Variants in PRKAG2 observed in about 807,000 individuals in gnomAD.
PRKAG2 encodes the protein 5'-AMP-activated protein kinase subunit gamma-2.
A neutral mutation model predicts 69.6 loss-of-function variants in PRKAG2; 26 were observed. The ratio of observed to expected loss-of-function variants is 0.37; its 90% CI spans 0.27 to 0.52. PRKAG2 has a LOEUF of 0.52. PRKAG2 is among the 20% of genes least tolerant of loss of function. The probability of loss-of-function intolerance (pLI) is 0.90; values close to 1 mark genes in which losing one functional copy is unlikely to be tolerated. For missense variants in PRKAG2, 557 were observed against 740.0 expected (o/e 0.75, Z 2.87); for synonymous variants, 293 against 285.0 (o/e 1.03, Z -0.28).
chr7:151,595,822 T>C (rs984638924), intron 5 of PRKAG2, among the ~76,000 whole-genome samples: 2 of 152,114 alleles, frequency 1.3e-5, no homozygotes, highest in African/African-American at 4.8e-5. Context: ...TCAGGGTTAA[T>C]AAAACAAAGA....
At chr7:151,816,585 C>T (rs552111321) in intron 1 of PRKAG2, among the ~76,000 whole-genome samples, 40 of 152,280 alleles carry the variant, frequency 2.6e-4, no homozygotes, top group Admixed American at 2.0e-3. Context: ...CTGGGATGTG[C>T]GGGATTATTC....
intron 5 of PRKAG2, chr7:151,631,831 A>T (rs1431856888): frequency 4.0e-6 from 2 of 497,546 alleles, no homozygotes; most frequent in Non-Finnish European, 7.8e-6. Context: ...TGCCGGGCTC[A>T]GGGCTGCGCT....
intron 3 of PRKAG2, among the ~76,000 whole-genome samples, chr7:151,737,063 G>A (rs1484321646): frequency 1.3e-5 from 2 of 151,878 alleles, no homozygotes; most frequent in Admixed American, 6.6e-5. Context: ...GCAAAAGATA[G>A]AAAAAAAATC....
chr7:151,606,418 G>A (rs186606985), intron 5 of PRKAG2, among the ~76,000 whole-genome samples: 87 of 152,276 alleles, frequency 5.7e-4, no homozygotes, highest in African/African-American at 2.0e-3. Flanking sequence ...GTACTTGGAG[G>A]AAGAAATAAA....
intron 3 of PRKAG2, among the ~76,000 whole-genome samples, chr7:151,709,986 TTCAGGAGGAA>T (rs1443112842): frequency 3.3e-5 from 5 of 152,146 alleles, no homozygotes; most frequent in Non-Finnish European, 5.9e-5. Flanking sequence ...CCAGAGGGCT[TTCAGGAGGAA>T]AAGCATTTAC....
intron 5 of PRKAG2, among the ~76,000 whole-genome samples, chr7:151,600,060 C>A (rs1815676112): frequency 6.6e-6 from 1 of 152,158 alleles, no homozygotes; most frequent in South Asian, 2.1e-4. Flanking sequence ...AAGGATATGA[C>A]TGGTGAGTCA....
In PRKAG2 at chr7:151,568,849, G is replaced by T; in HGVS notation, c.1107-7C>A. On this transcript the variant is annotated splice_polypyrimidine_tract_variant and splice_region_variant and intron_variant, in intron 10 of 15. Transcript: ENST00000287878. ...GTATACAGCATCGAAGAGGCTGTGG[G>T]AGAAGTCATTAAAGTTGTTAGGAGG... 6.2e-7 allele frequency: 1 copy of T among 1,613,534 alleles called. No individual in the cohort carries two copies. The highest frequency in any genetic ancestry group is 8.5e-7 in the Non-Finnish European group (1 of 1,179,696).
rs577809086 is a variant in PRKAG2 at position 151,765,475 on chromosome 7, AT to A, written c.466+15676del. Among the ~76,000 whole-genome samples the A allele has an allele frequency of 2.8e-4, 43 of 152,312 alleles. No homozygotes were observed. The South Asian group carries it at 8.7e-3, about 31-fold the overall frequency. On this transcript the variant is annotated intron_variant, in intron 3 of 15. Coordinates refer to ENST00000287878, the MANE Select transcript of PRKAG2 (RefSeq NM_016203.4). ...TCGGGTGGTAACAAGAAGCCAAACC[AT>A]ATCACCATCTGAAACCTGGGGGAGC...
chr7:151,844,473 G>GGTGAGC (rs1394196829), intron 1 of PRKAG2, among the ~76,000 whole-genome samples: 1 of 152,168 alleles, frequency 6.6e-6, no homozygotes, highest in Non-Finnish European at 1.5e-5. Context: ...CTCCCACCTG[G>GGTGAGC]GTGAGCGTGT....
chr7:151,583,599 G>A lies in PRKAG2; in HGVS notation c.865-7147C>T, dbSNP rs1057142376. On this transcript the variant is annotated intron_variant, in intron 6 of 15. Coordinates refer to ENST00000287878, the MANE Select transcript of PRKAG2 (RefSeq NM_016203.4). This position sits in a 1 kb window ranked among gnomAD's most constrained non-coding sequence, Gnocchi z 4.1. ...TGGAAAATTCTCCATAATTATAGAC[G>A]GCACAGGGTGTTCCAATTAACCAAT... Among the ~76,000 whole-genome samples the A allele has an allele frequency of 2.6e-5, 4 of 152,052 alleles. No individual in the cohort carries two copies. Among genetic ancestry groups the A allele is most frequent in the South Asian group, 2.1e-4 (1 of 4,826 alleles).
rs397517272 is a variant in PRKAG2 at position 151,781,145 on chromosome 7, G to T, written c.466+7C>A. 1.9e-6 allele frequency: 3 copies of T among 1,613,736 alleles called. No homozygotes were observed. In the African/African-American group the frequency reaches 4.0e-5, roughly 22 times the overall value. On this transcript the variant is annotated splice_region_variant and intron_variant, in intron 3 of 15. Coordinates refer to ENST00000287878, the MANE Select transcript of PRKAG2 (RefSeq NM_016203.4). This position sits in a 1 kb window ranked among gnomAD's most constrained non-coding sequence, Gnocchi z 6.1. ...ACCCACCTGAAACAATAGCATCAAG[G>T]TCTTACTTTTTCTGGAGCGGGAGAA...
chr7:151,573,641 T>C (rs1427979475), intron 8 of PRKAG2, among the ~76,000 whole-genome samples: 3 of 152,324 alleles, frequency 2.0e-5, no homozygotes, highest in African/African-American at 7.2e-5. Context: ...CTGATTTTGC[T>C]AGTTCAAAAG....
chr7:151,824,320 C>T (rs981636913), intron 1 of PRKAG2, among the ~76,000 whole-genome samples: 1 of 152,206 alleles, frequency 6.6e-6, no homozygotes, highest in Non-Finnish European at 1.5e-5. Flanking sequence ...TCCTGTCATC[C>T]TGCCTGGTTC....
chr7:151,819,689 A>G (rs1226201593), intron 1 of PRKAG2, among the ~76,000 whole-genome samples: 2 of 152,204 alleles, frequency 1.3e-5, no homozygotes, highest in South Asian at 2.1e-4. Context: ...TCTATCTTTC[A>G]AGGCCATGTT....
intron 4 of PRKAG2, among the ~76,000 whole-genome samples, chr7:151,655,787 C>T (rs368161865): frequency 1.3e-5 from 2 of 152,146 alleles, no homozygotes; most frequent in African/African-American, 4.8e-5. Flanking sequence ...CCTCATAGAG[C>T]GGTAAGGAAT....
At chr7:151,670,020 A>ACACACACACCTG (rs1563386491) in intron 4 of PRKAG2, among the ~76,000 whole-genome samples, 1 of 133,258 alleles carries the variant, frequency 7.5e-6, no homozygotes, top group African/African-American at 3.1e-5. Flanking sequence ...ACACACCTGC[A>ACACACACACCTG]TGCACACACA....
chr7:151,804,823 C>A (rs950584683), intron 1 of PRKAG2, among the ~76,000 whole-genome samples: 1 of 152,208 alleles, frequency 6.6e-6, no homozygotes, highest in East Asian at 1.9e-4. Flanking sequence ...GTCATAAAAT[C>A]CACTCAGGAC....
At chr7:151,560,777 G>A (rs1234072623) in intron 14 of PRKAG2, among the ~76,000 whole-genome samples, 160 bp from the exon 15 acceptor site, 1 of 152,168 alleles carries the variant, frequency 6.6e-6, no homozygotes, top group East Asian at 1.9e-4. Context: ...TTAGACAGTG[G>A]CTGGGTGTGC....
intron 3 of PRKAG2, among the ~76,000 whole-genome samples, chr7:151,686,454 G>A (rs1834757080): frequency 6.6e-6 from 1 of 152,072 alleles, no homozygotes. Context: ...ACTCTGATAG[G>A]AATGACTCTC....
Sources: gnomAD v4.1 joint callset for allele counts (sites outside exome capture counted in the v4.1 genomes callset) on GRCh38, gnomAD v4.1.1 for gene constraint, Gnocchi (gnomAD v3.1) non-coding constraint, MANE v1.5 for transcripts, NCBI Gene and HGNC (gene_info 2026-07-23, HGNC 2026-07-21) for gene names.